The following EZH1 variants were observed in gnomAD, a reference collection of about 807,000 sequenced individuals.
EZH1 encodes histone-lysine N-methyltransferase EZH1.
Under a neutral mutation model 100.5 loss-of-function variants are expected in EZH1, and 33 were observed. That is an observed-to-expected ratio of 0.33 (90% confidence interval 0.25 to 0.44). The LOEUF (loss-of-function observed/expected upper bound fraction) is 0.44, where lower values mean the gene tolerates loss of function less well. Ranked by LOEUF, EZH1 falls within the 20% of genes least tolerant of loss-of-function variation. EZH1 has a pLI of 1.00. For synonymous variants in EZH1, 272 were observed against 313.8 expected (o/e 0.87, Z 1.41); for missense variants, 475 against 928.4 (o/e 0.51, Z 6.35).
chr17:42,736,411 A>G (rs2054064850), intron 1 of EZH1, among the ~76,000 whole-genome samples: 1 of 152,234 alleles, frequency 6.6e-6, no homozygotes, highest in Non-Finnish European at 1.5e-5. Flanking sequence ...AACAACACAC[A>G]TATCAATGGA....
intron 1 of EZH1, among the ~76,000 whole-genome samples, chr17:42,740,167 C>A (rs1033526073): frequency 6.6e-5 from 10 of 152,142 alleles, no homozygotes; most frequent in African/African-American, 2.4e-4. Flanking sequence ...TTGGCCCCAG[C>A]CTCCCTAGTA....
intron 8 of EZH1, 84 bp downstream of exon 8, chr17:42,719,021 C>T (rs1002292546): frequency 7.5e-6 from 8 of 1,062,752 alleles, no homozygotes; most frequent in Non-Finnish European, 1.1e-5. Flanking sequence ...ATAAACAAAG[C>T]TTTTTACTAA....
At position 42,718,322 on chromosome 17, in the gene EZH1, A is replaced by G; in HGVS notation, c.931+132T>C. The G allele has an allele frequency of 8.0e-7, 1 of 1,244,022 alleles. No homozygotes were observed. The highest frequency in any genetic ancestry group is 1.1e-6 in the Non-Finnish European group (1 of 907,656). 77.1% of individuals were successfully genotyped at this position (1,244,022 alleles called of 1,614,324 possible). A position where few individuals can be genotyped will look rare whatever the true frequency, so the allele number is the denominator to read the frequency against. ...TTGCACTATAATTGAGCAAGGGAAA[A>G]TAGAACTGGCCCTTTGTAAAACGTT... is the stretch of plus-strand genomic sequence containing the variant. On this transcript the variant is annotated intron_variant, in intron 9 of 20. Transcript: ENST00000428826. This position sits in a 1 kb window ranked among gnomAD's most constrained non-coding sequence, Gnocchi z 4.2.
Position 42,737,017 on chromosome 17 carries a change from G to A in EZH1, c.-102-6099C>T, listed in dbSNP as rs542049180. ...TTTTTTTTTTTTGAGACAGAGTCTCGCTCTGTCGCCCAGGCTGGAGTGTAA... is the reference window on the plus strand; with the variant it reads ...TTTTTTTTTTTTGAGACAGAGTCTCACTCTGTCGCCCAGGCTGGAGTGTAA... On this transcript the variant is annotated intron_variant, in intron 1 of 20. Coordinates refer to ENST00000428826, the MANE Select transcript of EZH1 (RefSeq NM_001991.5). Among the ~76,000 whole-genome samples the A allele has an allele frequency of 3.8e-3, 564 of 147,466 alleles. 7 individuals carry two copies. The highest frequency in any genetic ancestry group is 0.013 in the African/African-American group (507 of 39,960).
At chr17:42,736,965 GA>G (rs1350758672) in intron 1 of EZH1, among the ~76,000 whole-genome samples, 1 of 151,764 alleles carries the variant, frequency 6.6e-6, no homozygotes, top group Non-Finnish European at 1.5e-5. Context: ...TGCAGAACAG[GA>G]ACTCCCTGTA....
At chr17:42,744,140 C>G (rs1327705275) in intron 1 of EZH1, among the ~76,000 whole-genome samples, 1 of 152,142 alleles carries the variant, frequency 6.6e-6, no homozygotes, top group Non-Finnish European at 1.5e-5. Context: ...CCTCCATATT[C>G]CTTCACATTC....
At chr17:42,710,245 A>G (rs1334923231) in intron 12 of EZH1, among the ~76,000 whole-genome samples, 6 of 152,308 alleles carry the variant, frequency 3.9e-5, no homozygotes, top group African/African-American at 1.4e-4. Flanking sequence ...TGTGACCAAC[A>G]GTATCTTCTT....
chr17:42,726,344 C>T (rs1490960919), intron 4 of EZH1, among the ~76,000 whole-genome samples: 1 of 149,260 alleles, frequency 6.7e-6, no homozygotes, highest in Non-Finnish European at 1.5e-5. Context: ...GGATTATAGG[C>T]ATACACTACC....
Position 42,718,038 on chromosome 17 carries a change from G to A in EZH1, c.961C>T (p.Arg321Cys), listed in dbSNP as rs1220002873. The change falls in exon 10 of 21, where the codon CGC (arginine) becomes TGC (cysteine). Residue 321 changes from arginine (R) to cysteine (C), a missense_variant. Around this residue, in one of 8 missense-constraint regions of EZH1, gnomAD observed 180 missense variants for 295.3 expected, o/e 0.61. Coordinates refer to ENST00000428826, the MANE Select transcript of EZH1 (RefSeq NM_001991.5). The surrounding 1 kb of genome is among the most constrained non-coding windows in gnomAD (Gnocchi z 4.2). ...PFHATPNVYK[R>C]KNKEIKIEPE... ...TCAATCTTGATTTCTTTATTCTTGC[G>A]TTTATATACATTAGGGGTGGCATGA... 3 of 1,614,106 alleles carry A rather than the reference G, an allele frequency of 1.9e-6. No individual in the cohort carries two copies. The highest frequency in any genetic ancestry group is 1.1e-5 in the South Asian group (1 of 91,076).
At chr17:42,735,969 C>A (rs1232662114) in intron 1 of EZH1, among the ~76,000 whole-genome samples, 1 of 151,408 alleles carries the variant, frequency 6.6e-6, no homozygotes, top group African/African-American at 2.4e-5. Context: ...TGGGAGACAG[C>A]GAGACTCCGT....
At position 42,718,585 on chromosome 17, in the gene EZH1, T is replaced by A. The variant is rs201328092; in HGVS notation, c.800A>T (p.Asn267Ile). The A allele has an allele frequency of 6.2e-7, 1 of 1,614,098 alleles. No homozygotes were observed. The highest frequency in any genetic ancestry group is 8.5e-7 in the Non-Finnish European group (1 of 1,179,998). The part of the protein sequence containing the change: ...YRELTEMSDP[N>I]ALPPQCTPNI... ...GGGTGTGCACTGAGGGGGAAGTGCA[T>A]TGGGGTCTGACATCTCTGTTAGTTC... is the stretch of plus-strand genomic sequence containing the variant. The change falls in exon 9 of 21, where the codon AAT becomes ATT. Residue 267 changes from asparagine (N) to isoleucine (I), a missense_variant. By Grantham distance (149) the Asn-to-Ile change is moderately radical. Around this residue, in one of 8 missense-constraint regions of EZH1, gnomAD observed 180 missense variants for 295.3 expected, o/e 0.61. Transcript: ENST00000428826. The surrounding 1 kb of genome is among the most constrained non-coding windows in gnomAD (Gnocchi z 4.2).
At chr17:42,739,429 CTTAA>C (rs1452307315) in intron 1 of EZH1, among the ~76,000 whole-genome samples, 1 of 152,060 alleles carries the variant, frequency 6.6e-6, no homozygotes, top group Non-Finnish European at 1.5e-5. Context: ...CCTAGTGTTG[CTTAA>C]TTAAGAGAAT....
intron 3 of EZH1, among the ~76,000 whole-genome samples, chr17:42,728,216 C>A (rs1476035210): frequency 6.7e-6 from 1 of 150,004 alleles, no homozygotes; most frequent in Non-Finnish European, 1.5e-5. Context: ...TGGGTTCAAG[C>A]AATTCTCCTG....
intron 1 of EZH1, among the ~76,000 whole-genome samples, chr17:42,738,112 C>A (rs2054100329): frequency 6.7e-6 from 1 of 148,154 alleles, no homozygotes; most frequent in South Asian, 2.1e-4. Context: ...GGAGGCGGAG[C>A]TTGCAGTGAG....
intron 12 of EZH1, 60 bp from the exon 13 acceptor site, chr17:42,709,997 CAGCTGGGTGCTGG>C: frequency 6.8e-7 from 1 of 1,472,300 alleles, no homozygotes; most frequent in Non-Finnish European, 9.5e-7. Context: ...GTAAGTGGCC[CAGCTGGGTGCTGG>C]CCTTGGGAGG....
intron 1 of EZH1, among the ~76,000 whole-genome samples, chr17:42,738,112 C>T (rs2054100329): frequency 6.7e-6 from 1 of 148,154 alleles, no homozygotes; most frequent in Non-Finnish European, 1.5e-5. Context: ...GGAGGCGGAG[C>T]TTGCAGTGAG....
At chr17:42,710,317 C>G (rs2053451109) in intron 12 of EZH1, among the ~76,000 whole-genome samples, 1 of 152,128 alleles carries the variant, frequency 6.6e-6, no homozygotes, top group South Asian at 2.1e-4. Flanking sequence ...CAGGACAGGA[C>G]AGGAATGGTT....
Position 42,718,701 on chromosome 17 carries a change from C to T in EZH1, c.768-84G>A. Reference sequence around the variant, plus strand: ...CAGATTGGGTACTGACAGTAGCTCACCTACGGTCTGCCAAGGGAGGATGGG... The same window carrying T: ...CAGATTGGGTACTGACAGTAGCTCATCTACGGTCTGCCAAGGGAGGATGGG... On this transcript the variant is annotated intron_variant, in intron 8 of 20. Coordinates refer to ENST00000428826, the MANE Select transcript of EZH1 (RefSeq NM_001991.5). The surrounding 1 kb of genome is among the most constrained non-coding windows in gnomAD (Gnocchi z 4.2). 1 of 1,449,572 alleles carries T rather than the reference C, an allele frequency of 6.9e-7. No individual in the cohort carries two copies. The highest frequency in any genetic ancestry group is 9.5e-7 in the Non-Finnish European group (1 of 1,050,998). The allele number at this position is 1,449,572 out of a possible 1,614,324, so 89.8% of individuals were successfully genotyped here.
At position 42,702,677 on chromosome 17, in the gene EZH1, C is replaced by T. The variant is rs1031466362; in HGVS notation, c.2184-85G>A. The stretch of plus-strand genomic sequence containing the variant: ...CGGAGTCCCCTCCCGTTTCACTTCC[C>T]CTCCCACTCCTTAAGGGCTGTTTAC... On this transcript the variant is annotated intron_variant, in intron 20 of 20. Coordinates refer to ENST00000428826, the MANE Select transcript of EZH1 (RefSeq NM_001991.5). 2.2e-6 allele frequency: 3 copies of T among 1,387,714 alleles called. No homozygotes were observed. In the African/African-American group the frequency reaches 4.3e-5, roughly 20 times the overall value. The allele number at this position is 1,387,714 out of a possible 1,614,324, so 86.0% of individuals were successfully genotyped here.
Sources: allele counts gnomAD v4.1 joint callset (sites outside exome capture counted in the v4.1 genomes callset), GRCh38; gene constraint gnomAD v4.1.1; regional missense constraint gnomAD v4.1.1; non-coding constraint Gnocchi (gnomAD v3.1); transcripts MANE v1.5; gene names NCBI Gene and HGNC (gene_info 2026-07-23, HGNC 2026-07-21).